TXLNG: variants seen among roughly 807,000 people sequenced by gnomAD.
TXLNG encodes the protein taxilin gamma.
A neutral mutation model predicts 38.8 loss-of-function variants in TXLNG; 5 were observed. The ratio of observed to expected loss-of-function variants is 0.13; its 90% CI spans 0.07 to 0.27. The LOEUF (loss-of-function observed/expected upper bound fraction) is 0.27, where lower values mean the gene tolerates loss of function less well. Among genes scored for constraint, TXLNG ranks in the 10% least tolerant of loss-of-function variants. TXLNG has a pLI of 1.00. For synonymous variants in TXLNG, 182 were observed against 158.2 expected, an observed-to-expected ratio of 1.15 and a Z score of -1.13; for missense variants, 393 against 398.2, an observed-to-expected ratio of 0.99 and a Z score of 0.11.
intron 8 of TXLNG, among the ~76,000 whole-genome samples, chrX:16,838,349 A>C (rs1929675356): frequency 8.9e-6 from 1 of 111,760 alleles, no homozygotes; most frequent in Non-Finnish European, 1.9e-5. Context: ...GGTTGGGGAG[A>C]AGTACAGTAG....
At chrX:16,817,388 A>G (rs1928785508) in intron 1 of TXLNG, among the ~76,000 whole-genome samples, 1 of 112,388 alleles carries the variant, frequency 8.9e-6, no homozygotes, top group Non-Finnish European at 1.9e-5. Context: ...ACATTAGACT[A>G]TAAAATATAA....
rs187978411 is a variant in TXLNG at position 16,827,364 on chromosome X, C to T, written c.499-730C>T. Among the ~76,000 whole-genome samples the T allele has an allele frequency of 7.2e-5, 8 of 111,659 alleles. No individual in the cohort carries two copies. The Admixed American group carries it at 7.7e-4, about 11-fold the overall frequency. On this transcript the variant is annotated intron_variant, in intron 3 of 9. Transcript: ENST00000380122. ...CAATTCGGGACATGCCTGGCTTTAG[C>T]ACTGAGTCACTCCTGGCCTTCAACA...
chrX:16,832,781 A>G, intron 6 of TXLNG, 39 bp downstream of exon 6: 2 of 1,154,486 alleles, frequency 1.7e-6, no homozygotes, highest in Non-Finnish European at 1.1e-6. Flanking sequence ...ATTATTGCCA[A>G]CATTGTAACT....
At chrX:16,835,103 G>C (rs1053000496) in intron 7 of TXLNG, among the ~76,000 whole-genome samples, 4 of 108,744 alleles carry the variant, frequency 3.7e-5, no homozygotes, top group African/African-American at 1.3e-4. Flanking sequence ...GTACAGGAAA[G>C]ACTTGCCGTG....
rs1393683782 is a variant in TXLNG at position 16,842,346 on chromosome X, C to T, written c.*580C>T. 1.8e-5 allele frequency: 2 copies of T among 111,611 alleles called. No homozygotes were observed. Among genetic ancestry groups the T allele is most frequent in the Non-Finnish European group, 3.7e-5 (2 of 53,364 alleles). 9.2% of individuals were successfully genotyped at this position (111,611 alleles called of 1,213,427 possible). The stretch of plus-strand genomic sequence containing the variant: ...GCCACATGCCTAGAATCCTAAGTTT[C>T]GGCAGAATATGTATATAAAGATGTC... On this transcript the variant is annotated 3_prime_UTR_variant, in exon 10 of 10. Transcript: ENST00000380122.
intron 1 of TXLNG, among the ~76,000 whole-genome samples, chrX:16,811,177 A>G (rs1399578577): frequency 8.9e-6 from 1 of 111,878 alleles, no homozygotes. Context: ...GTTCAGAGGC[A>G]GGAGTGTCTG....
intron 1 of TXLNG, among the ~76,000 whole-genome samples, chrX:16,787,098 A>G (rs916491670): frequency 1.8e-5 from 2 of 112,469 alleles, no homozygotes; most frequent in East Asian, 2.8e-4. Context: ...GCAGTAAGAT[A>G]ACCGCGCGGG....
chrX:16,813,147 A>G (rs1335965447), intron 1 of TXLNG, among the ~76,000 whole-genome samples: 1 of 111,943 alleles, frequency 8.9e-6, no homozygotes, highest in African/African-American at 3.2e-5. Flanking sequence ...TCTGAAAAAC[A>G]TTCTTCAAAG....
At chrX:16,791,852 C>A (rs1194595591) in intron 1 of TXLNG, among the ~76,000 whole-genome samples, 2 of 112,390 alleles carry the variant, frequency 1.8e-5, no homozygotes, top group African/African-American at 6.5e-5. Flanking sequence ...TCCCAAAGTG[C>A]TGGAATTACA....
intron 1 of TXLNG, among the ~76,000 whole-genome samples, chrX:16,814,377 G>A (rs933972195): frequency 8.9e-6 from 1 of 112,125 alleles, no homozygotes; most frequent in African/African-American, 3.2e-5. Flanking sequence ...ACTTTGGGAG[G>A]CCAAGGTAGG....
At chrX:16,790,183 A>G (rs1927652872) in intron 1 of TXLNG, among the ~76,000 whole-genome samples, 1 of 111,529 alleles carries the variant, frequency 9.0e-6, no homozygotes, top group South Asian at 3.7e-4. Context: ...TTATTGACTA[A>G]GTCCATAGTT....
At chrX:16,795,227 A>G (rs986615551) in intron 1 of TXLNG, among the ~76,000 whole-genome samples, 1 of 111,000 alleles carries the variant, frequency 9.0e-6, no homozygotes, top group Non-Finnish European at 1.9e-5. Flanking sequence ...CAGCGAGCCG[A>G]GATTGCGCCA....
At chrX:16,838,655 G>A (rs773074205) in intron 8 of TXLNG, among the ~76,000 whole-genome samples, 1 of 112,151 alleles carries the variant, frequency 8.9e-6, no homozygotes, top group Non-Finnish European at 1.9e-5. Flanking sequence ...CTGGTAATCT[G>A]GAGAATTCCA....
intron 6 of TXLNG, 35 bp from the exon 7 acceptor site, chrX:16,834,248 C>CATT: frequency 8.9e-7 from 1 of 1,118,384 alleles, no homozygotes; most frequent in Non-Finnish European, 1.2e-6. Context: ...TTGTAATTAC[C>CATT]ATTAGCATTT....
At chrX:16,786,669 C>T in intron 1 of TXLNG, 80 bp downstream of exon 1, 1 of 723,860 alleles carries the variant, frequency 1.4e-6, no homozygotes, top group Non-Finnish European at 1.8e-6. Flanking sequence ...CCTCTTCTCT[C>T]TCCCTGGTTA....
At chrX:16,809,335 T>C (rs1231921108) in intron 1 of TXLNG, among the ~76,000 whole-genome samples, 1 of 90,702 alleles carries the variant, frequency 1.1e-5, no homozygotes, top group Non-Finnish European at 2.2e-5. Context: ...TAAAATGATA[T>C]CTTATAGTTG....
At chrX:16,821,079 A>G (rs1483044942) in intron 3 of TXLNG, among the ~76,000 whole-genome samples, 1 of 102,645 alleles carries the variant, frequency 9.7e-6, no homozygotes, top group Non-Finnish European at 2.0e-5. Flanking sequence ...ATTCTCAGCT[A>G]TATTACAGGT....
chrX:16,820,188 A>G lies in TXLNG; in HGVS notation c.431A>G (p.Gln144Arg). ...GGAAAAGAAGTTTTATTACTGATGC[A>G]AGCCCTAAACACCCTTTCAACCCCA... is the stretch of plus-strand genomic sequence containing the variant. ...TLGKEVLLLM[Q>R]ALNTLSTPEE... The change falls in exon 3 of 10, where the codon CAA becomes CGA. Residue 144 changes from glutamine to arginine, a missense_variant. By Grantham distance (43) the Gln-to-Arg change is conservative (BLOSUM62 1). Coordinates refer to ENST00000380122, the MANE Select transcript of TXLNG (RefSeq NM_018360.3). 1.7e-6 allele frequency: 2 copies of G among 1,208,672 alleles called. No homozygotes were observed. Among genetic ancestry groups the G allele is most frequent in the African/African-American group, 3.5e-5 (2 of 57,548 alleles).
rs1209372142 is a variant in TXLNG, at chrX:16,843,310, C to CAACA, written c.*1545_*1548dup. 8.9e-6 allele frequency: 1 copy of CAACA among 111,788 alleles called. No homozygotes were observed. Among genetic ancestry groups the CAACA allele is most frequent in the African/African-American group, 3.3e-5 (1 of 30,719 alleles). The allele number at this position is 111,788 out of a possible 1,213,427, so 9.2% of individuals were successfully genotyped here. The stretch of plus-strand genomic sequence containing the variant: ...TGGGTTGAAAGAATTGAAAATTGTC[C>CAACA]AACAGATAGATAGATAGGAAACCGC... On this transcript the variant is annotated 3_prime_UTR_variant, in exon 10 of 10. Coordinates refer to ENST00000380122, the MANE Select transcript of TXLNG (RefSeq NM_018360.3).
Sources: gnomAD v4.1 joint callset for allele counts (sites outside exome capture counted in the v4.1 genomes callset) on GRCh38, gnomAD v4.1.1 for gene constraint, MANE v1.5 for transcripts, NCBI Gene and HGNC (gene_info 2026-07-23, HGNC 2026-07-21) for gene names.